FSD2: variants seen among roughly 807,000 people sequenced by gnomAD.
The protein encoded by FSD2 is fibronectin type III and SPRY domain-containing protein 2.
A neutral mutation model predicts 80.4 loss-of-function variants in FSD2; 71 were observed. The observed-to-expected ratio is 0.88, with a 90% confidence interval of 0.73 to 1.08. The LOEUF is 1.08. FSD2 is among the 50% of genes least tolerant of loss of function. The pLI, the probability that FSD2 is intolerant of heterozygous loss-of-function variation, is 0.00. For missense variants in FSD2, 923 were observed against 913.8 expected (o/e 1.01, Z -0.13); for synonymous variants, 361 against 329.5 (o/e 1.10, Z -1.03).
intron 10 of FSD2, 124 bp from the exon 11 acceptor site, chr15:82,765,422 G>T: frequency 2.4e-6 from 3 of 1,226,292 alleles, no homozygotes; most frequent in African/African-American, 1.5e-5. Context: ...AGTAATAGGC[G>T]TCCAGTTAAC....
intron 1 of FSD2, among the ~76,000 whole-genome samples, chr15:82,803,116 C>T (rs1040913493): frequency 3.9e-5 from 6 of 152,056 alleles, no homozygotes; most frequent in African/African-American, 1.2e-4. Flanking sequence ...TTCTCAGAGA[C>T]GCTGCTTTCC....
intron 11 of FSD2, among the ~76,000 whole-genome samples, chr15:82,764,272 A>G (rs1306707103): frequency 1.3e-5 from 2 of 152,184 alleles, no homozygotes; most frequent in Non-Finnish European, 2.9e-5. Context: ...CTTCATTTGC[A>G]TAGGGTGTAC....
intron 6 of FSD2, 74 bp downstream of exon 6, chr15:82,778,692 G>C (rs1346065908): frequency 1.4e-6 from 2 of 1,478,718 alleles, no homozygotes; most frequent in African/African-American, 2.8e-5. Context: ...CTCATGCTAA[G>C]TGTTCTCATC....
chr15:82,777,086 G>A (rs936460627), intron 6 of FSD2, among the ~76,000 whole-genome samples: 8 of 152,136 alleles, frequency 5.3e-5, no homozygotes, highest in Admixed American at 5.2e-4. Flanking sequence ...GATTATTAAA[G>A]ACTTAAATGT....
intron 1 of FSD2, among the ~76,000 whole-genome samples, chr15:82,789,992 C>A (rs567680813): frequency 1.3e-5 from 2 of 152,066 alleles, no homozygotes; most frequent in Non-Finnish European, 2.9e-5. Flanking sequence ...CTGACCAATG[C>A]GGTGAAACCC....
rs774806276 is a variant in FSD2, at chr15:82,772,117, G to A, written c.1223C>T (p.Ser408Phe). The A allele has an allele frequency of 1.9e-6, 3 of 1,606,476 alleles. No homozygotes were observed. In the South Asian group the frequency reaches 3.3e-5, roughly 18 times the overall value. Reference sequence around the variant, plus strand: ...TGAGCTGTCCTGCACTGGCCGGTAGGACAGCTGATAGCTCTCCACAGTGTC... The same window carrying A: ...TGAGCTGTCCTGCACTGGCCGGTAGAACAGCTGATAGCTCTCCACAGTGTC... ...SDDTVESYQL[S>F]YRPVQDSSPG... Residue 408 changes from serine to phenylalanine, a missense_variant, in exon 7 of 13, where the codon TCC (serine) becomes TTC (phenylalanine). Physicochemically the swap from Ser to Phe is radical, Grantham distance 155 (BLOSUM62 -2). Coordinates refer to ENST00000334574, the MANE Select transcript of FSD2 (RefSeq NM_001007122.4).
At chr15:82,769,415 C>CAA (rs5814127) in intron 8 of FSD2, among the ~76,000 whole-genome samples, 34 of 141,672 alleles carry the variant, frequency 2.4e-4, no homozygotes, top group Admixed American at 3.5e-4. Flanking sequence ...TCTAAAAATA[C>CAA]AAAAAAAAAA....
At chr15:82,802,524 G>A (rs1001150831) in intron 1 of FSD2, among the ~76,000 whole-genome samples, 1 of 152,116 alleles carries the variant, frequency 6.6e-6, no homozygotes, top group South Asian at 2.1e-4. Context: ...TACCCACATT[G>A]CATAGAAATA....
intron 1 of FSD2, among the ~76,000 whole-genome samples, chr15:82,792,381 C>T (rs1262421740): frequency 6.6e-6 from 1 of 152,206 alleles, no homozygotes; most frequent in South Asian, 2.1e-4. Flanking sequence ...TGTTAGTTAT[C>T]TTTCATGTAT....
intron 1 of FSD2, among the ~76,000 whole-genome samples, chr15:82,803,373 C>G (rs189647618): frequency 6.6e-6 from 1 of 152,270 alleles, no homozygotes; most frequent in Non-Finnish European, 1.5e-5. Flanking sequence ...TCTGAGGGCT[C>G]CATTACTGGC....
At chr15:82,765,494 C>T (rs1437094328) in intron 10 of FSD2, among the ~76,000 whole-genome samples, 196 bp from the exon 11 acceptor site, 3 of 152,112 alleles carry the variant, frequency 2.0e-5, no homozygotes, top group South Asian at 2.1e-4. Flanking sequence ...TCAATCCTCA[C>T]GACGACCCTT....
Position 82,778,894 on chromosome 15 carries a change from G to T in FSD2, c.990-7C>A. On this transcript the variant is annotated splice_polypyrimidine_tract_variant and splice_region_variant and intron_variant, in intron 5 of 12. Coordinates refer to ENST00000334574, the MANE Select transcript of FSD2 (RefSeq NM_001007122.4). ...TTTCAGGAATTTCCCGAGTCTGTTG[G>T]TATAAAAAGACATGCTGACTAGAAT... 1 of 1,613,832 alleles carries T rather than the reference G, an allele frequency of 6.2e-7. No homozygotes were observed. Among genetic ancestry groups the T allele is most frequent in the Middle Eastern group, 1.6e-4 (1 of 6,062 alleles).
Position 82,759,271 on chromosome 15 carries a change from C to G in FSD2, c.*77G>C, listed in dbSNP as rs913001352. The G allele has an allele frequency of 1.3e-5, 20 of 1,494,690 alleles. No individual in the cohort carries two copies. Among genetic ancestry groups the G allele is most frequent in the Non-Finnish European group, 1.7e-5 (19 of 1,108,300 alleles). The allele number at this position is 1,494,690 out of a possible 1,614,324, so 92.6% of individuals were successfully genotyped here. On this transcript the variant is annotated 3_prime_UTR_variant, in exon 13 of 13. Transcript: ENST00000334574. ...TGCTGGGCACATGGTGCTTAAGTGCCAGGTTCAGCCAGCTAAGGCGTGAGC... is the reference window on the plus strand; with the variant it reads ...TGCTGGGCACATGGTGCTTAAGTGCGAGGTTCAGCCAGCTAAGGCGTGAGC...
intron 1 of FSD2, among the ~76,000 whole-genome samples, chr15:82,789,204 A>G (rs1003219343): frequency 6.6e-6 from 1 of 152,092 alleles, no homozygotes; most frequent in Non-Finnish European, 1.5e-5. Flanking sequence ...ACTACATAGA[A>G]TACAAAGCAG....
chr15:82,791,899 G>A (rs1272360086), intron 1 of FSD2, among the ~76,000 whole-genome samples: 1 of 152,192 alleles, frequency 6.6e-6, no homozygotes, highest in Non-Finnish European at 1.5e-5. Flanking sequence ...CCATGTCGTA[G>A]CATGTATCAG....
chr15:82,769,870 C>T lies in FSD2; in HGVS notation c.1282G>A (p.Val428Ile). 1 of 1,613,836 alleles carries T rather than the reference C, an allele frequency of 6.2e-7. No homozygotes were observed. The highest frequency in any genetic ancestry group is 1.1e-5 in the South Asian group (1 of 91,078). The change falls in exon 8 of 13, where the codon GTC (valine) becomes ATC (isoleucine). Residue 428 changes from valine (V) to isoleucine (I), a missense_variant. Physicochemically the swap from Val to Ile is conservative, Grantham distance 29. Coordinates refer to ENST00000334574, the MANE Select transcript of FSD2 (RefSeq NM_001007122.4). ...GTCACTGAGCAATATGTTTCTTTGA[C>T]AGTCACTGTAAACTCTGGGGAAAAA... ...GTDQAEFTVT[V>I]KETYCSVTNL...
chr15:82,782,018 C>A (rs576634256), intron 4 of FSD2, among the ~76,000 whole-genome samples: 1 of 147,894 alleles, frequency 6.8e-6, no homozygotes, highest in Non-Finnish European at 1.5e-5. Flanking sequence ...GAGCCGAGAT[C>A]GTGCCACTGC....
At chr15:82,765,353 G>A (rs779459311) in intron 10 of FSD2, 55 bp from the exon 11 acceptor site, 58 of 1,609,292 alleles carry the variant, frequency 3.6e-5, no homozygotes, top group African/African-American at 1.3e-5. Flanking sequence ...CTTTCTCCAT[G>A]TGGGCGGTGG....
Position 82,762,104 on chromosome 15 carries a change from T to C in FSD2, c.1995A>G (p.Ser665=). 1 of 1,588,322 alleles carries C rather than the reference T, an allele frequency of 6.3e-7. No homozygotes were observed. Among genetic ancestry groups the C allele is most frequent in the Non-Finnish European group, 8.6e-7 (1 of 1,167,816 alleles). The change falls in exon 12 of 13, where the codon TCA becomes TCG. Residue 665 remains serine (S), a splice_region_variant and synonymous_variant. Coordinates refer to ENST00000334574, the MANE Select transcript of FSD2 (RefSeq NM_001007122.4). ...SWCMRHTFAS[S]RHKYEFLHNR... ...TGAGTATCCAGATTTTACTTTACCT[T>C]GATGATGCAAATGTGTGCCTCATGC...
Sources: gnomAD v4.1 joint callset for allele counts (sites outside exome capture counted in the v4.1 genomes callset) on GRCh38, gnomAD v4.1.1 for gene constraint, MANE v1.5 for transcripts, NCBI Gene and HGNC (gene_info 2026-07-23, HGNC 2026-07-21) for gene names.